The following ADARB2 variants were observed in gnomAD, a reference collection of about 807,000 sequenced individuals.
ADARB2 encodes the protein inactive double-stranded RNA-specific editase B2.
In ADARB2, 25 loss-of-function variants were observed where a neutral mutation model predicts 62.2. The ratio of observed to expected loss-of-function variants is 0.40; its 90% CI spans 0.29 to 0.56. ADARB2 has a LOEUF of 0.56. Ranked by LOEUF, ADARB2 falls within the 20% of genes least tolerant of loss-of-function variation. ADARB2 has a pLI of 0.43. For missense variants in ADARB2, 1,071 were observed against 1,077.4 expected, an observed-to-expected ratio of 0.99 and a Z score of 0.08; for synonymous variants, 572 against 500.8, an observed-to-expected ratio of 1.14 and a Z score of -1.90.
chr10:1,688,172 G>A (rs1010284457), intron 1 of ADARB2, among the ~76,000 whole-genome samples: 3 of 152,220 alleles, frequency 2.0e-5, no homozygotes, highest in African/African-American at 7.2e-5. Context: ...CAGCCAGTGG[G>A]GACCTGGGGG....
intron 1 of ADARB2, among the ~76,000 whole-genome samples, chr10:1,472,888 G>A (rs1202610316): frequency 3.3e-5 from 5 of 152,256 alleles, no homozygotes; most frequent in South Asian, 2.1e-4. Flanking sequence ...TCAGGCAGCC[G>A]TCACACTGTC....
chr10:1,685,028 G>A (rs1834582026), intron 1 of ADARB2, among the ~76,000 whole-genome samples: 1 of 152,202 alleles, frequency 6.6e-6, no homozygotes, highest in South Asian at 2.1e-4. Flanking sequence ...TTGCTCATGG[G>A]TGGGTGGGGA....
chr10:1,434,192 G>A (rs1217792598), intron 1 of ADARB2, among the ~76,000 whole-genome samples: 1 of 152,156 alleles, frequency 6.6e-6, no homozygotes, highest in African/African-American at 2.4e-5. Flanking sequence ...TAGATTCCGA[G>A]AAGGCTGATA....
intron 8 of ADARB2, among the ~76,000 whole-genome samples, chr10:1,193,804 C>A (rs552167972): frequency 6.6e-6 from 1 of 152,124 alleles, no homozygotes; most frequent in Non-Finnish European, 1.5e-5. Context: ...GAATCAGTTA[C>A]CAGTCTGATT....
At chr10:1,552,016 G>C (rs1170926006) in intron 1 of ADARB2, among the ~76,000 whole-genome samples, 2 of 151,604 alleles carry the variant, frequency 1.3e-5, no homozygotes, top group African/African-American at 2.4e-5. Flanking sequence ...GTGGCCTCCT[G>C]CGTGGAGGCC....
chr10:1,721,435 A>T (rs1835091314), intron 1 of ADARB2, among the ~76,000 whole-genome samples: 1 of 152,172 alleles, frequency 6.6e-6, no homozygotes, highest in Non-Finnish European at 1.5e-5. Context: ...AGTAGCTTTC[A>T]CCTAGTGGGA....
intron 3 of ADARB2, among the ~76,000 whole-genome samples, chr10:1,359,686 C>T (rs754177757): frequency 3.3e-5 from 5 of 152,146 alleles, no homozygotes; most frequent in African/African-American, 4.8e-5. Context: ...CTGCTTCCTG[C>T]GAGCTGTCCC....
chr10:1,442,862 G>A (rs941648892), intron 1 of ADARB2, among the ~76,000 whole-genome samples: 1 of 152,104 alleles, frequency 6.6e-6, no homozygotes, highest in Non-Finnish European at 1.5e-5. Flanking sequence ...GACCACCTGA[G>A]CTGAATGGAC....
At chr10:1,550,552 C>T (rs1483609104) in intron 1 of ADARB2, among the ~76,000 whole-genome samples, 1 of 152,212 alleles carries the variant, frequency 6.6e-6, no homozygotes, top group Non-Finnish European at 1.5e-5. Flanking sequence ...GCCCAATTTA[C>T]CACGATTTAC....
chr10:1,204,541 AC>A (rs1404788582), intron 7 of ADARB2, among the ~76,000 whole-genome samples: 1 of 152,200 alleles, frequency 6.6e-6, no homozygotes, highest in Non-Finnish European at 1.5e-5. Flanking sequence ...TTGCTGGGAC[AC>A]CCTCAGGGCC....
intron 1 of ADARB2, among the ~76,000 whole-genome samples, chr10:1,689,813 C>T (rs1564368437): frequency 6.6e-6 from 1 of 152,194 alleles, no homozygotes; most frequent in Non-Finnish European, 1.5e-5. Context: ...GCTAGAGATA[C>T]ATGGATTTCA....
At position 1,363,077 on chromosome 10, in the gene ADARB2, TG is replaced by T; in HGVS notation, c.1027del (p.Gln343ArgfsTer34). 1 of 1,470,296 alleles carries T rather than the reference TG, an allele frequency of 6.8e-7. No individual in the cohort carries two copies. The highest frequency in any genetic ancestry group is 9.0e-7 in the Non-Finnish European group (1 of 1,115,006). The allele number at this position is 1,470,296 out of a possible 1,614,324, so 91.1% of individuals were successfully genotyped here. A position where few individuals can be genotyped will look rare whatever the true frequency, so the allele number is the denominator to read the frequency against. ...QAALQELFDIQMPGHAPGRAR... is the reference protein window; with the variant it reads ...QAALQELFDIXMPGHAPGRAR... ...CCTGCCGGGCGCGTGGCCGGGCATC[TG>T]GATGTCGAACAGCTCCTGCAGTGCG... On this transcript the variant is annotated frameshift_variant, in exon 3 of 10. Transcript: ENST00000381312. LOFTEE classifies it high-confidence loss of function.
intron 1 of ADARB2, among the ~76,000 whole-genome samples, chr10:1,388,321 C>A (rs993256363): frequency 6.6e-6 from 1 of 152,116 alleles, no homozygotes; most frequent in Non-Finnish European, 1.5e-5. Context: ...GTACTGGGAA[C>A]AAGGCAGGGA....
chr10:1,672,023 C>T (rs1209195773), intron 1 of ADARB2, among the ~76,000 whole-genome samples: 2 of 146,322 alleles, frequency 1.4e-5, no homozygotes, highest in African/African-American at 2.6e-5. Flanking sequence ...ACCCCATCCC[C>T]GAGAGTCAGT....
chr10:1,495,367 G>T (rs756984623), intron 1 of ADARB2, among the ~76,000 whole-genome samples: 2 of 152,204 alleles, frequency 1.3e-5, no homozygotes, highest in Non-Finnish European at 2.9e-5. Flanking sequence ...TCCTCGGAGG[G>T]TTTCTGCTGT....
At position 1,477,028 on chromosome 10, in the gene ADARB2, C is replaced by T. The variant is rs552835679; in HGVS notation, c.101-97868G>A. On this transcript the variant is annotated intron_variant, in intron 1 of 9. Coordinates refer to ENST00000381312, the MANE Select transcript of ADARB2 (RefSeq NM_018702.4). This position sits in a 1 kb window ranked among gnomAD's most constrained non-coding sequence, Gnocchi z 4.5. ...CTTGTGGCAAATCATGATGACTCTC[C>T]CCAGATCCCCACCTGGCCTACGATC... Among the ~76,000 whole-genome samples the T allele has an allele frequency of 1.3e-5, 2 of 152,202 alleles. No homozygotes were observed. The highest frequency in any genetic ancestry group is 4.8e-5 in the African/African-American group (2 of 41,520).
chr10:1,371,211 T>TA (rs1832367174), intron 2 of ADARB2, among the ~76,000 whole-genome samples: 1 of 152,164 alleles, frequency 6.6e-6, no homozygotes, highest in African/African-American at 2.4e-5. Flanking sequence ...TCCTAGTCAG[T>TA]AAATGGTGCT....
chr10:1,620,535 T>C (rs1185559745), intron 1 of ADARB2, among the ~76,000 whole-genome samples: 2 of 152,230 alleles, frequency 1.3e-5, no homozygotes, highest in Non-Finnish European at 2.9e-5. Context: ...GTGTCACTGG[T>C]GAATTTGTTA....
intron 1 of ADARB2, among the ~76,000 whole-genome samples, chr10:1,692,134 T>A (rs1008178590): frequency 7.9e-5 from 12 of 152,194 alleles, no homozygotes; most frequent in African/African-American, 2.2e-4. Flanking sequence ...AACATTTCTG[T>A]CATCAGGAGC....
Sources: gnomAD v4.1 joint callset for allele counts (sites outside exome capture counted in the v4.1 genomes callset) on GRCh38, gnomAD v4.1.1 for gene constraint, Gnocchi (gnomAD v3.1) non-coding constraint, MANE v1.5 for transcripts, NCBI Gene and HGNC (gene_info 2026-07-23, HGNC 2026-07-21) for gene names.